The following SLC26A3 variants were observed in gnomAD, a reference collection of about 807,000 sequenced individuals.
The protein encoded by SLC26A3 is chloride anion exchanger.
Under a neutral mutation model 85.6 loss-of-function variants are expected in SLC26A3, and 64 were observed. The ratio of observed to expected loss-of-function variants is 0.75; its 90% CI spans 0.61 to 0.92. SLC26A3 has a LOEUF of 0.92. SLC26A3 is among the 40% of genes least tolerant of loss of function. The pLI, the probability that SLC26A3 is intolerant of heterozygous loss-of-function variation, is 0.00. For missense variants in SLC26A3, 922 were observed against 927.3 expected (o/e 0.99, Z 0.07); for synonymous variants, 349 against 336.0 (o/e 1.04, Z -0.42).
intron 1 of SLC26A3, among the ~76,000 whole-genome samples, chr7:107,799,717 G>A (rs1794571064): frequency 6.6e-6 from 1 of 152,156 alleles, no homozygotes; most frequent in South Asian, 2.1e-4. Context: ...GCAAAAGGAG[G>A]AGACCATTAT....
chr7:107,776,605 G>T, intron 14 of SLC26A3, 32 bp downstream of exon 14: 1 of 1,605,844 alleles, frequency 6.2e-7, no homozygotes, highest in Non-Finnish European at 8.5e-7. Context: ...ATATCATTTA[G>T]CAAGTCAAAG....
Position 107,783,300 on chromosome 7 carries a change from C to T in SLC26A3, c.1024G>A (p.Asp342Asn). Residue 342 changes from aspartate (D) to asparagine (N), a missense_variant, in exon 9 of 21, where the codon GAT (aspartate) becomes AAT (asparagine). Physicochemically the swap from Asp to Asn is conservative, Grantham distance 23 (BLOSUM62 1). Coordinates refer to ENST00000340010, the MANE Select transcript of SLC26A3 (RefSeq NM_000111.3). ...DVETFQNTVG[D>N]CFGIAMVAFA... Reference sequence around the variant, plus strand: ...GCAACCATTGCGATGCCGAAGCAATCTCCTACGGTGTTTTGGAAAGTCTCC... The same window carrying T: ...GCAACCATTGCGATGCCGAAGCAATTTCCTACGGTGTTTTGGAAAGTCTCC... The T allele has an allele frequency of 6.2e-7, 1 of 1,614,190 alleles. No homozygotes were observed. The highest frequency in any genetic ancestry group is 1.1e-5 in the South Asian group (1 of 91,080).
intron 1 of SLC26A3, among the ~76,000 whole-genome samples, chr7:107,799,114 G>A (rs928491761): frequency 6.6e-6 from 1 of 152,146 alleles, no homozygotes; most frequent in African/African-American, 2.4e-5. Context: ...GTGAATGGAG[G>A]GGAGGGGTCT....
chr7:107,772,185 T>C, intron 17 of SLC26A3, 77 bp from the exon 18 acceptor site: 1 of 839,634 alleles, frequency 1.2e-6, no homozygotes, highest in South Asian at 1.4e-5. Flanking sequence ...ATCAGAATTA[T>C]ACCTTACGGG....
intron 11 of SLC26A3, 25 bp from the exon 12 acceptor site, chr7:107,779,788 G>A: frequency 6.3e-7 from 1 of 1,576,344 alleles, no homozygotes. Flanking sequence ...AACATCAGAT[G>A]TACTTTAAGT....
At chr7:107,798,588 T>C (rs539173544) in intron 1 of SLC26A3, among the ~76,000 whole-genome samples, 1 of 152,196 alleles carries the variant, frequency 6.6e-6, no homozygotes, top group African/African-American at 2.4e-5. Flanking sequence ...AGGATTTGTC[T>C]TTAATTAGCG....
At chr7:107,769,231 A>G (rs1048565597) in intron 18 of SLC26A3, among the ~76,000 whole-genome samples, 19 of 152,174 alleles carry the variant, frequency 1.2e-4, no homozygotes, top group African/African-American at 4.6e-4. Context: ...TACTGGATAT[A>G]TACCCAAAGG....
Position 107,776,623 on chromosome 7 carries a change from T to C in SLC26A3, c.1584+14A>G. The C allele has an allele frequency of 6.2e-7, 1 of 1,611,842 alleles. No individual in the cohort carries two copies. Among genetic ancestry groups the C allele is most frequent in the Non-Finnish European group, 8.5e-7 (1 of 1,178,002 alleles). ...TCATTTAGCAAGTCAAAGAAAAACA[T>C]GAATCTCCCTTACATCATAATAATC... On this transcript the variant is annotated intron_variant, in intron 14 of 20. Transcript: ENST00000340010.
intron 18 of SLC26A3, among the ~76,000 whole-genome samples, chr7:107,769,312 G>C (rs2115788830): frequency 6.6e-6 from 1 of 152,136 alleles, no homozygotes; most frequent in African/African-American, 2.4e-5. Flanking sequence ...CAATAGCAAA[G>C]ACATGGACTC....
At chr7:107,785,285 C>G (rs1461090577) in intron 8 of SLC26A3, among the ~76,000 whole-genome samples, 1 of 152,154 alleles carries the variant, frequency 6.6e-6, no homozygotes, top group Non-Finnish European at 1.5e-5. Flanking sequence ...GTAATGTGCT[C>G]AAGCTCAAAA....
intron 15 of SLC26A3, among the ~76,000 whole-genome samples, chr7:107,775,721 C>T (rs1225542833): frequency 7.2e-6 from 1 of 138,294 alleles, no homozygotes; most frequent in African/African-American, 2.7e-5. Flanking sequence ...GACCTTGTCT[C>T]AAAAAAAAAA....
chr7:107,793,764 T>A lies in SLC26A3; in HGVS notation c.249A>T (p.Thr83=). The A allele has an allele frequency of 6.2e-7, 1 of 1,614,098 alleles. No individual in the cohort carries two copies. The highest frequency in any genetic ancestry group is 8.5e-7 in the Non-Finnish European group (1 of 1,179,970). Residue 83 remains threonine, a synonymous_variant, in exon 3 of 21, where the codon ACA becomes ACT. Transcript: ENST00000340010. ...TACCTTGTAGTACGGCCACAATCCC[T>A]GTGCTGATACCAGAAACAATATCAC... ...LLSDIVSGIS[T]GIVAVLQGLA...
At chr7:107,786,236 A>G (rs1326805433) in intron 8 of SLC26A3, among the ~76,000 whole-genome samples, 1 of 152,184 alleles carries the variant, frequency 6.6e-6, no homozygotes, top group Non-Finnish European at 1.5e-5. Flanking sequence ...GTTTATAGTA[A>G]TTTATGGACA....
At chr7:107,783,136 AT>A in intron 9 of SLC26A3, 43 bp from the exon 10 acceptor site, 3 of 1,610,688 alleles carry the variant, frequency 1.9e-6, no homozygotes, top group Non-Finnish European at 2.5e-6. Context: ...AAGTGGCACC[AT>A]TGATATTATG....
intron 1 of SLC26A3, among the ~76,000 whole-genome samples, chr7:107,798,691 T>C (rs529357034): frequency 1.3e-5 from 2 of 152,234 alleles, no homozygotes; most frequent in Admixed American, 1.3e-4. Context: ...ACAAGGCAGC[T>C]CCTAGCAGCA....
At chr7:107,776,066 T>C in intron 15 of SLC26A3, 1 of 314,142 alleles carries the variant, frequency 3.2e-6, no homozygotes. Flanking sequence ...TTACAACTGT[T>C]ATACTGAATC....
chr7:107,792,957 T>C (rs755955178), intron 3 of SLC26A3, among the ~76,000 whole-genome samples: 1 of 152,170 alleles, frequency 6.6e-6, no homozygotes, highest in Non-Finnish European at 1.5e-5. Context: ...TTTCAAAAGA[T>C]ATACAAATGG....
intron 1 of SLC26A3, among the ~76,000 whole-genome samples, chr7:107,800,522 G>GTATA (rs933841152): frequency 2.0e-5 from 3 of 152,188 alleles, no homozygotes; most frequent in Admixed American, 1.3e-4. Context: ...TAAGTACCTT[G>GTATA]TATATATGTC....
Position 107,773,936 on chromosome 7 carries a change from A to C in SLC26A3, c.1991T>G (p.Val664Gly), listed in dbSNP as rs1242287123. Reference protein sequence around the residue: ...SAVSFLDVSSVRGLKSILQEF... With the variant: ...SAVSFLDVSSGRGLKSILQEF... ...AGAAATTACCGATTTAAGGCCCCTCACTGAAGAAACATCAAGAAAGGACAC... is the reference window on the plus strand; with the variant it reads ...AGAAATTACCGATTTAAGGCCCCTCCCTGAAGAAACATCAAGAAAGGACAC... Residue 664 changes from valine (V) to glycine (G), a missense_variant, in exon 17 of 21, where the codon GTG (valine) becomes GGG (glycine). Val to Gly is a moderately radical substitution (Grantham distance 109). Coordinates refer to ENST00000340010, the MANE Select transcript of SLC26A3 (RefSeq NM_000111.3). The C allele has an allele frequency of 1.2e-6, 2 of 1,613,300 alleles. No homozygotes were observed. Among genetic ancestry groups the C allele is most frequent in the East Asian group, 2.2e-5 (1 of 44,872 alleles).
Sources: allele counts gnomAD v4.1 joint callset (sites outside exome capture counted in the v4.1 genomes callset), GRCh38; gene constraint gnomAD v4.1.1; transcripts MANE v1.5; gene names NCBI Gene and HGNC (gene_info 2026-07-23, HGNC 2026-07-21).